The following KCNQ3 variants were observed in gnomAD, a reference collection of about 807,000 sequenced individuals.
The protein encoded by KCNQ3 is potassium voltage-gated channel subfamily Q member 3.
KCNQ3 carries 30 observed loss-of-function variants against 92.5 expected under a neutral mutation model. That is an observed-to-expected ratio of 0.32 (90% CI 0.24 to 0.44). The LOEUF (loss-of-function observed/expected upper bound fraction) is 0.44. KCNQ3 is among the 20% of genes least tolerant of loss of function. KCNQ3 has a pLI of 1.00. For synonymous variants in KCNQ3, 450 were observed against 468.8 expected (o/e 0.96, Z 0.52); for missense variants, 913 against 1,140.3 (o/e 0.80, Z 2.87).
intron 1 of KCNQ3, among the ~76,000 whole-genome samples, chr8:132,432,665 T>C (rs933129407): frequency 6.6e-5 from 10 of 152,258 alleles, no homozygotes; most frequent in Admixed American, 2.6e-4. Context: ...TAACAGGACT[T>C]AGGACTCCAT....
At chr8:132,368,652 C>CA (rs371396665) in intron 1 of KCNQ3, among the ~76,000 whole-genome samples, 5,368 of 143,142 alleles carry the variant, frequency 0.038, 289 homozygotes, top group African/African-American at 0.12. Context: ...GACCCTGTCT[C>CA]AAAAAAAAAG....
intron 1 of KCNQ3, among the ~76,000 whole-genome samples, chr8:132,409,456 CCT>C (rs928241015): frequency 6.7e-6 from 1 of 149,720 alleles, no homozygotes; most frequent in Non-Finnish European, 1.5e-5. Context: ...TCCTAGATCT[CCT>C]GTAAAAAAAA....
At position 132,372,994 on chromosome 8, in the gene KCNQ3, G is replaced by A. The variant is rs1005054950; in HGVS notation, c.386+107153C>T. Among the ~76,000 whole-genome samples the A allele has an allele frequency of 1.1e-4, 16 of 152,202 alleles. No homozygotes were observed. The East Asian group carries it at 1.4e-3, about 13-fold the overall frequency. ...AGAACCAAAGAAAGAACAGAAACAC[G>A]ACCAGAGATAATAGAATCTCACAGA... On this transcript the variant is annotated intron_variant, in intron 1 of 14. Coordinates refer to ENST00000388996, the MANE Select transcript of KCNQ3 (RefSeq NM_004519.4).
chr8:132,232,927 C>T (rs956430363), intron 1 of KCNQ3, among the ~76,000 whole-genome samples: 1 of 152,138 alleles, frequency 6.6e-6, no homozygotes. Flanking sequence ...CACACAGATG[C>T]CGTGTTTTTA....
At chr8:132,401,182 T>C (rs1489719926) in intron 1 of KCNQ3, among the ~76,000 whole-genome samples, 4 of 152,064 alleles carry the variant, frequency 2.6e-5, no homozygotes, top group African/African-American at 7.2e-5. Context: ...GCCAGCCACA[T>C]AGAGACTGAG....
rs562228809 is a variant in KCNQ3, at chr8:132,122,213, A to C, written c.*7049T>G. The C allele has an allele frequency of 2.0e-5, 3 of 152,268 alleles. No homozygotes were observed. The South Asian group carries it at 6.2e-4, about 32-fold the overall frequency. 9.4% of individuals were successfully genotyped at this position (152,268 alleles called of 1,614,324 possible). A position where few individuals can be genotyped will look rare whatever the true frequency, so the allele number is the denominator to read the frequency against. On this transcript the variant is annotated 3_prime_UTR_variant, in exon 15 of 15. Transcript: ENST00000388996. ...CTTGTCTTCAGTTTCCTCATCTATAAGATGGAGACAATAACATCTCCCTCA... is the reference window on the plus strand; with the variant it reads ...CTTGTCTTCAGTTTCCTCATCTATACGATGGAGACAATAACATCTCCCTCA...
At chr8:132,274,541 T>C (rs1429479279) in intron 1 of KCNQ3, among the ~76,000 whole-genome samples, 2 of 152,218 alleles carry the variant, frequency 1.3e-5, no homozygotes, top group Admixed American at 6.5e-5. Context: ...CTGCCACCCC[T>C]TTCTACAGAA....
At chr8:132,172,985 G>T (rs961854642) in intron 6 of KCNQ3, among the ~76,000 whole-genome samples, 12 of 152,182 alleles carry the variant, frequency 7.9e-5, no homozygotes, top group African/African-American at 2.4e-4. Context: ...TTGCATATTG[G>T]TTTTTTCTAT....
At chr8:132,397,872 C>CATCT (rs1197779219) in intron 1 of KCNQ3, among the ~76,000 whole-genome samples, 2 of 152,124 alleles carry the variant, frequency 1.3e-5, no homozygotes, top group African/African-American at 4.8e-5. Context: ...ACTATCTATC[C>CATCT]ATCTATCTAT....
chr8:132,244,487 T>C (rs1263520243), intron 1 of KCNQ3, among the ~76,000 whole-genome samples: 1 of 152,018 alleles, frequency 6.6e-6, no homozygotes, highest in African/African-American at 2.4e-5. Flanking sequence ...TGTTAAAAAA[T>C]ATTCTGTCCC....
intron 1 of KCNQ3, among the ~76,000 whole-genome samples, chr8:132,410,083 G>A (rs761130154): frequency 1.3e-5 from 2 of 152,080 alleles, no homozygotes; most frequent in Non-Finnish European, 2.9e-5. Context: ...GAGCTGTGAT[G>A]GCACCACTTC....
In KCNQ3 at chr8:132,207,416, A is replaced by C. The variant is rs578212333; in HGVS notation, c.387-21235T>G. On this transcript the variant is annotated intron_variant, in intron 1 of 14. Coordinates refer to ENST00000388996, the MANE Select transcript of KCNQ3 (RefSeq NM_004519.4). ...AAGCATTGTGCCAAAGGACTAAGCC[A>C]CTTCTTATAAGATTGCCAGCTGAGG... Among the ~76,000 whole-genome samples, 15 of 152,310 alleles carry C rather than the reference A, an allele frequency of 9.8e-5. No individual in the cohort carries two copies. The South Asian group carries it at 2.9e-3, about 29-fold the overall frequency.
At chr8:132,318,053 C>A (rs1165216247) in intron 1 of KCNQ3, among the ~76,000 whole-genome samples, 1 of 152,206 alleles carries the variant, frequency 6.6e-6, no homozygotes, top group African/African-American at 2.4e-5. Flanking sequence ...TCCCACTCAG[C>A]TGGTCAGTGT....
intron 1 of KCNQ3, among the ~76,000 whole-genome samples, chr8:132,409,083 G>A (rs1400009820): frequency 6.6e-6 from 1 of 152,126 alleles, no homozygotes; most frequent in African/African-American, 2.4e-5. Context: ...AAATCTCAAA[G>A]AGTCCTTTCC....
chr8:132,324,223 C>G (rs1379038233), intron 1 of KCNQ3, among the ~76,000 whole-genome samples: 1 of 152,102 alleles, frequency 6.6e-6, no homozygotes, highest in African/African-American at 2.4e-5. Flanking sequence ...GTCAGTTCAC[C>G]TATTCTCCTC....
At chr8:132,214,946 C>T (rs1813978150) in intron 1 of KCNQ3, among the ~76,000 whole-genome samples, 1 of 152,232 alleles carries the variant, frequency 6.6e-6, no homozygotes, top group African/African-American at 2.4e-5. Flanking sequence ...GGGCTCCAAA[C>T]CCTCTGACTT....
chr8:132,262,121 A>T (rs1815807529), intron 1 of KCNQ3, among the ~76,000 whole-genome samples: 1 of 152,222 alleles, frequency 6.6e-6, no homozygotes, highest in East Asian at 1.9e-4. Context: ...GGACAATTTC[A>T]TCATATTGTA....
intron 1 of KCNQ3, among the ~76,000 whole-genome samples, chr8:132,413,275 C>A (rs1820704135): frequency 6.6e-6 from 1 of 152,340 alleles, no homozygotes; most frequent in East Asian, 1.9e-4. Flanking sequence ...CCTACCTATA[C>A]ATCCTTCATC....
intron 1 of KCNQ3, among the ~76,000 whole-genome samples, chr8:132,429,523 C>T (rs577735175): frequency 1.3e-5 from 2 of 152,222 alleles, no homozygotes; most frequent in South Asian, 2.1e-4. Flanking sequence ...AAAGTTTTAC[C>T]TCGCTGTCAT....
Sources: gnomAD v4.1 joint callset for allele counts (sites outside exome capture counted in the v4.1 genomes callset) on GRCh38, gnomAD v4.1.1 for gene constraint, MANE v1.5 for transcripts, NCBI Gene and HGNC (gene_info 2026-07-23, HGNC 2026-07-21) for gene names.